Variants in GLE1 observed in about 807,000 individuals in gnomAD.
GLE1 encodes GLE1 RNA export mediator, also known as mRNA export factor GLE1.
GLE1 carries 78 observed loss-of-function variants against 97.3 expected under a neutral mutation model. That is an observed-to-expected ratio of 0.80 (90% CI 0.67 to 0.97). The LOEUF (loss-of-function observed/expected upper bound fraction) is 0.97, where lower values mean the gene tolerates loss of function less well. GLE1 is among the 50% of genes least tolerant of loss of function. The pLI is 0.00. For missense variants in GLE1, 753 were observed against 857.5 expected, an observed-to-expected ratio of 0.88 and a Z score of 1.52; for synonymous variants, 302 against 313.4, an observed-to-expected ratio of 0.96 and a Z score of 0.39.
At position 128,525,382 on chromosome 9, in the gene GLE1, CCCCAGCTCCCA is replaced by C; in HGVS notation, c.1089_1099del (p.Ala365GlyfsTer8). 3.1e-6 allele frequency: 5 copies of C among 1,611,266 alleles called. No homozygotes were observed. In the South Asian group the frequency reaches 5.5e-5, roughly 18 times the overall value. Reference sequence around the variant, plus strand: ...CAGGGACCAGAGGCCCACAAAGAGCCCCCAGCTCCCAGCCAGGGCCCAGGAGGGAAACAGAA... The same window carrying C: ...CAGGGACCAGAGGCCCACAAAGAGCCGCCAGGGCCCAGGAGGGAAACAGAA... On this transcript the variant is annotated frameshift_variant, in exon 7 of 16. Coordinates refer to ENST00000309971, the MANE Select transcript of GLE1 (RefSeq NM_001003722.2). LOFTEE classifies it high-confidence loss of function.
In GLE1 at chr9:128,523,713, T is replaced by C. The variant is rs199815242; in HGVS notation, c.764T>C (p.Met255Thr). Residue 255 changes from methionine (M) to threonine (T), a missense_variant, in exon 6 of 16, where the codon ATG becomes ACG. Coordinates refer to ENST00000309971, the MANE Select transcript of GLE1 (RefSeq NM_001003722.2). The stretch of plus-strand genomic sequence containing the variant: ...GCCCTCTATGCTCTGCAGGAGGAGA[T>C]GCTGCAGCTCAGCCAGCAGCTGGAT... ...LRALYALQEE[M>T]LQLSQQLDAS... The C allele has an allele frequency of 6.2e-7, 1 of 1,614,024 alleles. No homozygotes were observed. Among genetic ancestry groups the C allele is most frequent in the Non-Finnish European group, 8.5e-7 (1 of 1,180,028 alleles).
intron 2 of GLE1, among the ~76,000 whole-genome samples, chr9:128,514,338 CAAAAAAA>C (rs1174493216): frequency 9.8e-5 from 9 of 91,542 alleles, no homozygotes; most frequent in African/African-American, 1.6e-4. Flanking sequence ...GATCTTGTTT[CAAAAAAA>C]AAAAAAAAAA....
intron 2 of GLE1, among the ~76,000 whole-genome samples, chr9:128,509,827 C>A (rs1436398316): frequency 1.3e-5 from 2 of 151,898 alleles, no homozygotes; most frequent in Admixed American, 1.3e-4. Context: ...GGCATGGTGG[C>A]TCGAGCTTGT....
intron 9 of GLE1, chr9:128,532,642 A>G (rs756282776): frequency 1.1e-5 from 10 of 885,166 alleles, no homozygotes; most frequent in Non-Finnish European, 1.4e-5. Context: ...TGTCCTCTCT[A>G]CATCTCCATT....
chr9:128,510,176 G>A (rs780460303), intron 2 of GLE1, among the ~76,000 whole-genome samples: 2 of 151,648 alleles, frequency 1.3e-5, no homozygotes, highest in Non-Finnish European at 2.9e-5. Context: ...TCCTGTCTCA[G>A]CCTCCCGAAT....
chr9:128,508,907 A>C lies in GLE1; in HGVS notation c.131A>C (p.Lys44Thr). 6.2e-7 allele frequency: 1 copy of C among 1,608,864 alleles called. No homozygotes were observed. The highest frequency in any genetic ancestry group is 1.1e-5 in the South Asian group (1 of 90,982). ...TTAGAAGAATGTATGTCTCTTCCCA[A>C]GCTATCTTCTTATTCTGGATGGGTG... ...DVLEECMSLP[K>T]LSSYSGWVVE... Residue 44 changes from lysine (K) to threonine (T), a missense_variant, in exon 2 of 16, where the codon AAG becomes ACG. Physicochemically the swap from Lys to Thr is moderately conservative, Grantham distance 78. Transcript: ENST00000309971.
intron 7 of GLE1, among the ~76,000 whole-genome samples, chr9:128,526,935 G>A (rs1847317009): frequency 6.6e-6 from 1 of 152,132 alleles, no homozygotes; most frequent in Non-Finnish European, 1.5e-5. Context: ...GTAATTATAG[G>A]CGTGGGTCAC....
At chr9:128,515,397 A>T in intron 2 of GLE1, 132 bp from the exon 3 acceptor site, 3 of 596,888 alleles carry the variant, frequency 5.0e-6, no homozygotes, top group Non-Finnish European at 6.1e-6. Flanking sequence ...TCTGACCTAA[A>T]TTTTTTTTTT....
intron 2 of GLE1, among the ~76,000 whole-genome samples, chr9:128,510,906 C>G (rs1367039168): frequency 7.1e-6 from 1 of 141,480 alleles, no homozygotes; most frequent in South Asian, 2.3e-4. Context: ...AAATATTAGT[C>G]TTTAAAAAAT....
chr9:128,510,808 C>T (rs144058408), intron 2 of GLE1, among the ~76,000 whole-genome samples: 1,665 of 148,008 alleles, frequency 0.011, 26 homozygotes, highest in African/African-American at 0.04. Context: ...GGATTATAGT[C>T]GTGAGCCACT....
At position 128,524,540 on chromosome 9, in the gene GLE1, C is replaced by CTTTT. The variant is rs71381767; in HGVS notation, c.898-626_898-623dup. Among the ~76,000 whole-genome samples the CTTTT allele has an allele frequency of 2.1e-3, 83 of 39,636 alleles. 3 individuals carry two copies. The highest frequency in any genetic ancestry group is 2.6e-3 in the Non-Finnish European group (56 of 21,330). The allele number at this position is 39,636 out of a possible 152,430, so 26.0% of individuals were successfully genotyped here. On this transcript the variant is annotated intron_variant, in intron 6 of 15. Transcript: ENST00000309971. Reference sequence around the variant, plus strand: ...GTACCTGCCCTGTTTCTTTGCTTTGCTTTTTTTTTTTTTTTTTTTTTTTTT... The same window carrying CTTTT: ...GTACCTGCCCTGTTTCTTTGCTTTGCTTTTTTTTTTTTTTTTTTTTTTTTTTTTT...
intron 3 of GLE1, among the ~76,000 whole-genome samples, chr9:128,515,949 C>T (rs1198927403): frequency 7.1e-6 from 1 of 141,814 alleles, no homozygotes; most frequent in East Asian, 2.2e-4. Context: ...GGGACCTTAG[C>T]CTCTTTTTTT....
intron 9 of GLE1, among the ~76,000 whole-genome samples, chr9:128,531,027 C>T (rs1409663658): frequency 6.7e-6 from 1 of 150,116 alleles, no homozygotes; most frequent in Non-Finnish European, 1.5e-5. Flanking sequence ...TCAGCCTGAC[C>T]AATATGGAGA....
At chr9:128,521,475 C>T (rs961457678) in intron 3 of GLE1, among the ~76,000 whole-genome samples, 1 of 151,972 alleles carries the variant, frequency 6.6e-6, no homozygotes, top group Admixed American at 6.6e-5. Flanking sequence ...TCAAGGCTGC[C>T]GTGAGCTATA....
At chr9:128,527,667 C>A in intron 9 of GLE1, 142 bp downstream of exon 9, 1 of 700,482 alleles carries the variant, frequency 1.4e-6, no homozygotes, top group Non-Finnish European at 2.6e-6. Flanking sequence ...AAGTGACATA[C>A]ATCTTGTTTC....
In GLE1 at chr9:128,527,530, G is replaced by A; in HGVS notation, c.1312+5G>A. The stretch of plus-strand genomic sequence containing the variant: ...GCCAAATCTCTACCATTGCAGGTTG[G>A]TCAGAGGGGTTGAGAACATGACCTT... On this transcript the variant is annotated splice_donor_5th_base_variant and intron_variant, in intron 9 of 15. Coordinates refer to ENST00000309971, the MANE Select transcript of GLE1 (RefSeq NM_001003722.2). The A allele has an allele frequency of 6.3e-7, 1 of 1,580,888 alleles. No individual in the cohort carries two copies. The highest frequency in any genetic ancestry group is 8.7e-7 in the Non-Finnish European group (1 of 1,149,730).
In GLE1 at chr9:128,541,156, T is replaced by A; in HGVS notation, c.2083T>A (p.Phe695Ile). The A allele has an allele frequency of 6.4e-7, 1 of 1,573,854 alleles. No homozygotes were observed. The highest frequency in any genetic ancestry group is 8.7e-7 in the Non-Finnish European group (1 of 1,143,294). ...CCCCAAGGGCTTTCTGACTTCCTCC[T>A]TCTGGCGCTCCTGATGTCACTCCAT... Reference protein sequence around the residue: ...PVPKGFLTSSFWRS With the variant: ...PVPKGFLTSSIWRS The change falls in exon 16 of 16, where the codon TTC (phenylalanine) becomes ATC (isoleucine). Residue 695 changes from phenylalanine (F) to isoleucine (I), a missense_variant. By Grantham distance (21) the Phe-to-Ile change is conservative (BLOSUM62 0). Transcript: ENST00000309971.
At chr9:128,535,726 CAGA>C (rs991888535) in intron 11 of GLE1, among the ~76,000 whole-genome samples, 3 of 151,930 alleles carry the variant, frequency 2.0e-5, no homozygotes, top group African/African-American at 7.3e-5. Context: ...GAGGCAGAGG[CAGA>C]AGAATCGCTT....
intron 3 of GLE1, 63 bp from the exon 4 acceptor site, chr9:128,522,605 C>T (rs1327516136): frequency 1.9e-5 from 29 of 1,517,804 alleles, no homozygotes; most frequent in Non-Finnish European, 2.5e-5. Flanking sequence ...GAGCTGCACT[C>T]CAGCCTGGCG....
Sources: gnomAD v4.1 joint callset for allele counts (sites outside exome capture counted in the v4.1 genomes callset) on GRCh38, gnomAD v4.1.1 for gene constraint, MANE v1.5 for transcripts, NCBI Gene and HGNC (gene_info 2026-07-23, HGNC 2026-07-21) for gene names.